TMPRSS15: variants seen among roughly 807,000 people sequenced by gnomAD.
TMPRSS15 encodes enteropeptidase.
Under a neutral mutation model 125.3 loss-of-function variants are expected in TMPRSS15, and 128 were observed. That is an observed-to-expected ratio of 1.02 (90% CI 0.89 to 1.18). The LOEUF (loss-of-function observed/expected upper bound fraction) is 1.18. Ranked by LOEUF, TMPRSS15 falls within the 50% of genes most tolerant of loss-of-function variation. TMPRSS15 has a pLI of 0.00. For synonymous variants in TMPRSS15, 446 were observed against 423.2 expected, an observed-to-expected ratio of 1.05 and a Z score of -0.66; for missense variants, 1,283 against 1,212.7, an observed-to-expected ratio of 1.06 and a Z score of -0.86.
At chr21:18,369,486 A>G (rs1039408414) in intron 6 of TMPRSS15, among the ~76,000 whole-genome samples, 3 of 152,166 alleles carry the variant, frequency 2.0e-5, no homozygotes, top group African/African-American at 7.2e-5. Context: ...GACGAAAACA[A>G]TTTAAAGAAA....
chr21:18,399,528 A>G (rs2076075361), intron 1 of TMPRSS15, among the ~76,000 whole-genome samples: 1 of 152,134 alleles, frequency 6.6e-6, no homozygotes, highest in Non-Finnish European at 1.5e-5. Context: ...CAACAGATTA[A>G]AGGAGACTAA....
chr21:18,294,010 T>C (rs190217762), intron 21 of TMPRSS15, among the ~76,000 whole-genome samples: 2 of 152,224 alleles, frequency 1.3e-5, no homozygotes, highest in East Asian at 1.9e-4. Flanking sequence ...TTTTTATGTA[T>C]GTAAAAGTGT....
chr21:18,276,095 A>G (rs1428292845), intron 23 of TMPRSS15, among the ~76,000 whole-genome samples: 2 of 152,240 alleles, frequency 1.3e-5, no homozygotes, highest in Admixed American at 1.3e-4. Context: ...AAGAGAAGTT[A>G]GTACATTTGA....
At chr21:18,460,148 T>C (rs956098943) in intron 1 of TMPRSS15, among the ~76,000 whole-genome samples, 4 of 152,156 alleles carry the variant, frequency 2.6e-5, no homozygotes, top group Non-Finnish European at 4.4e-5. Flanking sequence ...CTTATATACA[T>C]TTTTCTGCCT....
At chr21:18,416,764 G>A (rs1487215749) in intron 1 of TMPRSS15, among the ~76,000 whole-genome samples, 1 of 151,888 alleles carries the variant, frequency 6.6e-6, no homozygotes, top group African/African-American at 2.4e-5. Flanking sequence ...TTTTGCTATT[G>A]GACATGATAA....
At chr21:18,357,268 C>T (rs901459815) in intron 8 of TMPRSS15, among the ~76,000 whole-genome samples, 9 of 151,828 alleles carry the variant, frequency 5.9e-5, no homozygotes, top group African/African-American at 1.9e-4. Context: ...TTTCCCAGCA[C>T]TCTATTTTGA....
At chr21:18,423,029 T>C (rs2076195503) in intron 1 of TMPRSS15, among the ~76,000 whole-genome samples, 1 of 152,244 alleles carries the variant, frequency 6.6e-6, no homozygotes, top group African/African-American at 2.4e-5. Flanking sequence ...CAGGCTCATA[T>C]GCAGTGCCTG....
Position 18,353,821 on chromosome 21 carries a change from G to A in TMPRSS15, c.923C>T (p.Ser308Phe), listed in dbSNP as rs34162864. Reference sequence around the variant, plus strand: ...AAGAAAGGTGGCAGTAACTTGGTTGGAAAAAATTCTTATTGTGCCAGGATT... The same window carrying A: ...AAGAAAGGTGGCAGTAACTTGGTTGAAAAAAATTCTTATTGTGCCAGGATT... The part of the protein sequence containing the change: ...ETNPGTIRIF[S>F]NQVTATFLIE... The change falls in exon 9 of 25, where the codon TCC becomes TTC. Residue 308 changes from serine to phenylalanine, a missense_variant. Ser to Phe is a radical substitution (Grantham distance 155). Coordinates refer to ENST00000284885, the MANE Select transcript of TMPRSS15 (RefSeq NM_002772.3). 25,984 of 1,611,316 alleles carry A rather than the reference G, an allele frequency of 0.016. 263 individuals carry two copies. The highest frequency in any genetic ancestry group is 0.019 in the Non-Finnish European group (22,576 of 1,178,074).
chr21:18,356,438 A>G (rs1224608766), intron 8 of TMPRSS15, among the ~76,000 whole-genome samples: 9 of 151,752 alleles, frequency 5.9e-5, no homozygotes, highest in Admixed American at 5.9e-4. Flanking sequence ...TGCTGATGAC[A>G]TAGAAAAGAA....
intron 1 of TMPRSS15, among the ~76,000 whole-genome samples, chr21:18,444,684 T>C (rs1180140173): frequency 6.6e-6 from 1 of 152,204 alleles, no homozygotes; most frequent in Non-Finnish European, 1.5e-5. Flanking sequence ...CAAACATGTG[T>C]CATTTCTTTT....
At chr21:18,424,163 C>G (rs1196327984) in intron 1 of TMPRSS15, among the ~76,000 whole-genome samples, 1 of 152,210 alleles carries the variant, frequency 6.6e-6, no homozygotes, top group Non-Finnish European at 1.5e-5. Flanking sequence ...ATAGTGTTAT[C>G]TGAGGTCCTA....
At chr21:18,271,406 G>C (rs564629693) in intron 24 of TMPRSS15, among the ~76,000 whole-genome samples, 1 of 152,246 alleles carries the variant, frequency 6.6e-6, no homozygotes, top group Admixed American at 6.5e-5. Context: ...GATCCAGACA[G>C]AATAAGGATT....
chr21:18,391,641 CACGGTGTG>C (rs1569052218), intron 3 of TMPRSS15, among the ~76,000 whole-genome samples: 63 of 152,332 alleles, frequency 4.1e-4, no homozygotes, highest in African/African-American at 1.3e-3. Context: ...TTTCCAGGCA[CACGGTGTG>C]AGATGTCAGT....
At chr21:18,314,178 C>T (rs577347927) in intron 17 of TMPRSS15, among the ~76,000 whole-genome samples, 7 of 152,100 alleles carry the variant, frequency 4.6e-5, no homozygotes, top group South Asian at 4.1e-4. Flanking sequence ...ATTATACAAA[C>T]GTAGGTTCAA....
intron 1 of TMPRSS15, among the ~76,000 whole-genome samples, chr21:18,442,961 A>G (rs931521667): frequency 3.3e-5 from 5 of 152,206 alleles, no homozygotes; most frequent in African/African-American, 1.2e-4. Flanking sequence ...TAGATTAAGA[A>G]CAGGTGATGG....
chr21:18,391,729 G>GAGAAAA (rs2075992487), intron 3 of TMPRSS15, among the ~76,000 whole-genome samples: 1 of 152,208 alleles, frequency 6.6e-6, no homozygotes, highest in African/African-American at 2.4e-5. Context: ...GGGACTCTGT[G>GAGAAAA]TGGGGGCTCT....
intron 22 of TMPRSS15, among the ~76,000 whole-genome samples, chr21:18,280,575 C>CAAAAAAAAAAA (rs1230513414): frequency 3.5e-4 from 17 of 48,342 alleles, no homozygotes; most frequent in Non-Finnish European, 5.2e-4. Flanking sequence ...GACTCCGTCT[C>CAAAAAAAAAAA]AAAAAAAAAA....
chr21:18,360,519 G>A (rs929272072), intron 7 of TMPRSS15, among the ~76,000 whole-genome samples: 1 of 151,976 alleles, frequency 6.6e-6, no homozygotes, highest in African/African-American at 2.4e-5. Flanking sequence ...ACCATTTCAG[G>A]TCTTCTCGAT....
chr21:18,452,954 G>C (rs1391543977), intron 1 of TMPRSS15, among the ~76,000 whole-genome samples: 1 of 152,046 alleles, frequency 6.6e-6, no homozygotes, highest in Non-Finnish European at 1.5e-5. Context: ...GTATGAACGT[G>C]CAACATAAGA....
Sources: gnomAD v4.1 joint callset for allele counts (sites outside exome capture counted in the v4.1 genomes callset) on GRCh38, gnomAD v4.1.1 for gene constraint, MANE v1.5 for transcripts, NCBI Gene and HGNC (gene_info 2026-07-23, HGNC 2026-07-21) for gene names.